Variants in RYR2 observed in about 807,000 individuals in gnomAD.
The protein encoded by RYR2 is ryanodine receptor 2.
In RYR2, 227 loss-of-function variants were observed where a neutral mutation model predicts 601.1. The ratio of observed to expected loss-of-function variants is 0.38; its 90% CI spans 0.34 to 0.42. The LOEUF (loss-of-function observed/expected upper bound fraction) is 0.42, where lower values mean the gene tolerates loss of function less well. Among genes scored for constraint, RYR2 ranks in the 10% least tolerant of loss-of-function variants. The pLI is 1.00. For missense variants in RYR2, 4,646 were observed against 6,156.5 expected (o/e 0.75, Z 8.21); for synonymous variants, 2,223 against 2,175.1 (o/e 1.02, Z -0.61).
At chr1:237,368,009 G>A (rs1700340681) in intron 5 of RYR2, among the ~76,000 whole-genome samples, 1 of 152,118 alleles carries the variant, frequency 6.6e-6, no homozygotes, top group East Asian at 1.9e-4. Flanking sequence ...AGAGTGTAAG[G>A]CCAATGTACA....
intron 1 of RYR2, among the ~76,000 whole-genome samples, chr1:237,045,715 A>C (rs1660486806): frequency 6.6e-6 from 1 of 151,696 alleles, no homozygotes; most frequent in Non-Finnish European, 1.5e-5. Flanking sequence ...TTAACTTACC[A>C]ATGTAGCATC....
At chr1:237,711,860 T>C (rs1352644525) in intron 71 of RYR2, 23 bp downstream of exon 71, 5 of 1,077,322 alleles carry the variant, frequency 4.6e-6, no homozygotes, top group Non-Finnish European at 5.6e-6. Flanking sequence ...ACTGTTTCAC[T>C]GTTCTGGAAA....
At chr1:237,775,197 G>C (rs1694570776) in intron 87 of RYR2, among the ~76,000 whole-genome samples, 1 of 151,626 alleles carries the variant, frequency 6.6e-6, no homozygotes, top group African/African-American at 2.4e-5. Context: ...TTAGTATTCA[G>C]AAAAGTTGTA....
chr1:237,137,854 TAAC>T, intron 1 of RYR2, among the ~76,000 whole-genome samples: 1 of 152,314 alleles, frequency 6.6e-6, no homozygotes, highest in South Asian at 2.1e-4. Flanking sequence ...AACAGTTAAA[TAAC>T]AAGTGAACAC....
At position 237,085,898 on chromosome 1, in the gene RYR2, C is replaced by T. The variant is rs755026226; in HGVS notation, c.48+43329C>T. Among the ~76,000 whole-genome samples the T allele has an allele frequency of 1.1e-4, 17 of 152,160 alleles. No individual in the cohort carries two copies. In the East Asian group the frequency reaches 1.5e-3, roughly 14 times the overall value. On this transcript the variant is annotated intron_variant, in intron 1 of 104. Coordinates refer to ENST00000366574, the MANE Select transcript of RYR2 (RefSeq NM_001035.3). ...CCTCCCAAGAAGCTGGGACCACAGG[C>T]GTGTGCCGCTACGCCTGGCTAATTT...
At chr1:237,747,863 A>G (rs1692211847) in intron 80 of RYR2, among the ~76,000 whole-genome samples, 1 of 152,168 alleles carries the variant, frequency 6.6e-6, no homozygotes, top group Non-Finnish European at 1.5e-5. Flanking sequence ...TTCCTACTGC[A>G]GGAGGTATAT....
chr1:237,284,767 T>C (rs1478150987), intron 2 of RYR2, among the ~76,000 whole-genome samples: 1 of 151,448 alleles, frequency 6.6e-6, no homozygotes, highest in Non-Finnish European at 1.5e-5. Context: ...ATTTTTTTAT[T>C]ATTATTATTA....
At chr1:237,449,831 G>A (rs1361693906) in intron 14 of RYR2, among the ~76,000 whole-genome samples, 1 of 151,614 alleles carries the variant, frequency 6.6e-6, no homozygotes, top group East Asian at 1.9e-4. Context: ...TATATGCCTG[G>A]TTATTTTTGT....
intron 103 of RYR2, 115 bp from the exon 104 acceptor site, chr1:237,831,399 C>T (rs1038620353): frequency 3.5e-5 from 21 of 608,404 alleles, no homozygotes; most frequent in Non-Finnish European, 5.4e-5. Context: ...TTGCATGTGG[C>T]GTTTTCTCTG....
At chr1:237,059,475 C>T (rs1234300171) in intron 1 of RYR2, among the ~76,000 whole-genome samples, 2 of 151,994 alleles carry the variant, frequency 1.3e-5, no homozygotes, top group Non-Finnish European at 2.9e-5. Flanking sequence ...AAGAAGGGCC[C>T]TGATATTGTG....
intron 1 of RYR2, among the ~76,000 whole-genome samples, chr1:237,237,390 A>G (rs1461737647): frequency 6.6e-6 from 1 of 152,240 alleles, no homozygotes; most frequent in Non-Finnish European, 1.5e-5. Flanking sequence ...AACTGACTGA[A>G]TGGACCTCGC....
chr1:237,810,877 T>C (rs545989430), intron 100 of RYR2, among the ~76,000 whole-genome samples: 1 of 152,322 alleles, frequency 6.6e-6, no homozygotes, highest in South Asian at 2.1e-4. Context: ...AGGATCCTAA[T>C]TGTGTGAAAT....
At chr1:237,346,172 C>G (rs1330980909) in intron 3 of RYR2, among the ~76,000 whole-genome samples, 1 of 151,840 alleles carries the variant, frequency 6.6e-6, no homozygotes, top group Admixed American at 6.6e-5. Context: ...TCGAGACCAG[C>G]CTGGGCAACA....
intron 1 of RYR2, among the ~76,000 whole-genome samples, chr1:237,233,198 G>C (rs1572292713): frequency 6.6e-6 from 1 of 152,310 alleles, no homozygotes; most frequent in African/African-American, 2.4e-5. Flanking sequence ...TAATTCCTAT[G>C]TTCCAACGAA....
At chr1:237,497,268 A>G (rs1486442388) in intron 20 of RYR2, among the ~76,000 whole-genome samples, 1 of 152,256 alleles carries the variant, frequency 6.6e-6, no homozygotes, top group Non-Finnish European at 1.5e-5. Flanking sequence ...ATCATAACAA[A>G]TGACACTTTG....
At chr1:237,417,190 G>T in intron 11 of RYR2, 67 bp downstream of exon 11, 1 of 1,223,740 alleles carries the variant, frequency 8.2e-7, no homozygotes, top group Non-Finnish European at 1.2e-6. Context: ...TTGTGCTTCT[G>T]TGTCAGCCTG....
chr1:237,133,643 C>T (rs1431059823), intron 1 of RYR2, among the ~76,000 whole-genome samples: 2 of 152,144 alleles, frequency 1.3e-5, no homozygotes, highest in Non-Finnish European at 2.9e-5. Flanking sequence ...GAGAAGAGAG[C>T]AACTTGTATA....
chr1:237,435,382 C>G (rs1320049598), intron 12 of RYR2, among the ~76,000 whole-genome samples: 3 of 152,134 alleles, frequency 2.0e-5, no homozygotes, highest in East Asian at 3.9e-4. Flanking sequence ...GACTAAAACC[C>G]TCTTTAGTAA....
At chr1:237,538,275 A>G (rs901022143) in intron 25 of RYR2, among the ~76,000 whole-genome samples, 8 of 151,152 alleles carry the variant, frequency 5.3e-5, no homozygotes, top group Admixed American at 4.6e-4. Context: ...AACACCTGTA[A>G]TCCCAGCCAC....
Sources: gnomAD v4.1 joint callset for allele counts (sites outside exome capture counted in the v4.1 genomes callset) on GRCh38, gnomAD v4.1.1 for gene constraint, MANE v1.5 for transcripts, NCBI Gene and HGNC (gene_info 2026-07-23, HGNC 2026-07-21) for gene names.